Variants in LMX1A observed in about 807,000 individuals in gnomAD.
LMX1A encodes the protein LIM homeobox transcription factor 1-alpha.
In LMX1A, 15 loss-of-function variants were observed where a neutral mutation model predicts 49.1. That is an observed-to-expected ratio of 0.31 (90% CI 0.20 to 0.47). LMX1A has a LOEUF of 0.47. Among genes scored for constraint, LMX1A ranks in the 20% least tolerant of loss-of-function variants. The pLI is 1.00. For missense variants in LMX1A, 372 were observed against 475.8 expected, an observed-to-expected ratio of 0.78 and a Z score of 2.03; for synonymous variants, 167 against 185.7, an observed-to-expected ratio of 0.90 and a Z score of 0.82.
chr1:165,266,943 CTTTCTCTCTCTT>C (rs1333778673), intron 3 of LMX1A, among the ~76,000 whole-genome samples: 8 of 151,972 alleles, frequency 5.3e-5, no homozygotes, highest in Non-Finnish European at 1.0e-4. Context: ...CTCTCTCTTT[CTTTCTCTCTCTT>C]TTTCTCTCTC....
chr1:165,267,942 A>G (rs2101692534), intron 3 of LMX1A, among the ~76,000 whole-genome samples: 1 of 152,316 alleles, frequency 6.6e-6, no homozygotes, highest in Admixed American at 6.5e-5. Context: ...ATTGAGTGAC[A>G]GACAGAGGGG....
At chr1:165,352,867 C>G (rs1158181264) in intron 3 of LMX1A, among the ~76,000 whole-genome samples, 1 of 152,264 alleles carries the variant, frequency 6.6e-6, no homozygotes, top group Admixed American at 6.5e-5. Flanking sequence ...TTCTGCGGGA[C>G]TCGGGCCACT....
chr1:165,208,009 G>A, intron 7 of LMX1A, 54 bp downstream of exon 7: 2 of 1,530,852 alleles, frequency 1.3e-6, no homozygotes, highest in Non-Finnish European at 1.8e-6. Flanking sequence ...GAGGCCTCTG[G>A]TAGGAACAGC....
intron 3 of LMX1A, among the ~76,000 whole-genome samples, chr1:165,304,366 G>T (rs1654866497): frequency 6.6e-6 from 1 of 152,138 alleles, no homozygotes. Context: ...CATGAGAGTT[G>T]GTTCAGGCTT....
chr1:165,321,432 A>G (rs1655381237), intron 3 of LMX1A, among the ~76,000 whole-genome samples: 1 of 152,196 alleles, frequency 6.6e-6, no homozygotes. Flanking sequence ...TAAAACTACT[A>G]CTAAAAAAAT....
intron 3 of LMX1A, among the ~76,000 whole-genome samples, chr1:165,250,176 G>A (rs1279937474): frequency 6.6e-6 from 1 of 152,018 alleles, no homozygotes; most frequent in African/African-American, 2.4e-5. Flanking sequence ...AAACCATCAT[G>A]GCACACGTTT....
At chr1:165,319,835 C>T (rs952267837) in intron 3 of LMX1A, among the ~76,000 whole-genome samples, 7 of 152,138 alleles carry the variant, frequency 4.6e-5, no homozygotes, top group South Asian at 4.2e-4. Context: ...AGATTATTTT[C>T]ATTTCTTTAT....
chr1:165,335,175 T>C (rs940138871), intron 3 of LMX1A, among the ~76,000 whole-genome samples: 8 of 152,182 alleles, frequency 5.3e-5, no homozygotes, highest in African/African-American at 1.9e-4. Context: ...TTCCTCTCTT[T>C]TAAGCTTTCA....
chr1:165,252,164 A>T (rs1653083870), intron 3 of LMX1A, among the ~76,000 whole-genome samples: 1 of 152,232 alleles, frequency 6.6e-6, no homozygotes, highest in African/African-American at 2.4e-5. Flanking sequence ...AACAAGGCCT[A>T]TGGAATATTT....
intron 3 of LMX1A, among the ~76,000 whole-genome samples, chr1:165,253,772 A>G (rs1391742987): frequency 1.3e-5 from 2 of 152,180 alleles, no homozygotes; most frequent in Middle Eastern, 3.2e-3. Flanking sequence ...AAGGGGTTGG[A>G]ATGGCTCGTT....
intron 3 of LMX1A, among the ~76,000 whole-genome samples, chr1:165,282,299 G>A (rs1654176214): frequency 6.6e-6 from 1 of 152,090 alleles, no homozygotes; most frequent in Non-Finnish European, 1.5e-5. Context: ...ATTCTCAAGG[G>A]ATTGGCTCCA....
At position 165,266,793 on chromosome 1, in the gene LMX1A, G is replaced by A. The variant is rs187356021; in HGVS notation, c.264-17153C>T. Among the ~76,000 whole-genome samples the A allele has an allele frequency of 8.7e-4, 132 of 151,948 alleles. 1 individual carries two copies. Among genetic ancestry groups the A allele is most frequent in the African/African-American group, 3.1e-3 (130 of 41,456 alleles). On this transcript the variant is annotated intron_variant, in intron 3 of 8. Coordinates refer to ENST00000342310, the MANE Select transcript of LMX1A (RefSeq NM_177398.4). ...ATTTTTTGTATTTTTAATAGAGGCA[G>A]GGTTTCACCGCGTTAGCCAGGGTGG...
rs540042358 is a variant in LMX1A, at chr1:165,210,006, T to C, written c.747+693A>G. 2.6e-5 allele frequency among the ~76,000 whole-genome samples: 4 copies of C among 152,342 alleles called. No individual in the cohort carries two copies. In the South Asian group the frequency reaches 8.3e-4, roughly 32 times the overall value. ...ACTGCACAATTGATTGCTTGCTTGG[T>C]GTATGGAGAATATCTCCACATATTT... is the stretch of plus-strand genomic sequence containing the variant. On this transcript the variant is annotated intron_variant, in intron 6 of 8. Transcript: ENST00000342310.
In LMX1A at chr1:165,205,954, G is replaced by T. The variant is rs377473482; in HGVS notation, c.898C>A (p.Leu300Met). 2.0e-5 allele frequency: 33 copies of T among 1,613,836 alleles called. No homozygotes were observed. In the African/African-American group the frequency reaches 3.6e-4, roughly 18 times the overall value. ...YTALPTPQQLLAIEQSVYSSD... is the reference protein window; with the variant it reads ...YTALPTPQQLMAIEQSVYSSD... Reference sequence around the variant, plus strand: ...CTGTAGACACTCTGCTCGATGGCCAGGAGCTGCTGTGGGGTGGGCAGAGCC... The same window carrying T: ...CTGTAGACACTCTGCTCGATGGCCATGAGCTGCTGTGGGGTGGGCAGAGCC... The change falls in exon 8 of 9, where the codon CTG becomes ATG. Residue 300 changes from leucine (L) to methionine (M), a missense_variant. Around this residue, in one of 3 missense-constraint regions of LMX1A, gnomAD observed 127 missense variants for 138.0 expected, o/e 0.92. Coordinates refer to ENST00000342310, the MANE Select transcript of LMX1A (RefSeq NM_177398.4).
intron 4 of LMX1A, among the ~76,000 whole-genome samples, chr1:165,245,639 A>C (rs1197248371): frequency 6.6e-6 from 1 of 152,144 alleles, no homozygotes; most frequent in African/African-American, 2.4e-5. Context: ...GGCAAAAAAA[A>C]AAAAAATACT....
At chr1:165,287,485 A>G (rs929491720) in intron 3 of LMX1A, among the ~76,000 whole-genome samples, 2 of 152,138 alleles carry the variant, frequency 1.3e-5, no homozygotes, top group East Asian at 1.9e-4. Flanking sequence ...GGTGAGTTAC[A>G]ACTGTGAATT....
chr1:165,267,762 G>A (rs1302130193), intron 3 of LMX1A, among the ~76,000 whole-genome samples: 1 of 152,154 alleles, frequency 6.6e-6, no homozygotes, highest in South Asian at 2.1e-4. Flanking sequence ...ACCCACCGAA[G>A]GTTACTGACA....
intron 3 of LMX1A, among the ~76,000 whole-genome samples, chr1:165,269,620 A>G (rs1307911282): frequency 6.6e-6 from 1 of 152,240 alleles, no homozygotes; most frequent in African/African-American, 2.4e-5. Flanking sequence ...AACTATTCAC[A>G]ATAGCAAAGA....
At chr1:165,220,460 G>A (rs1345866189) in intron 4 of LMX1A, among the ~76,000 whole-genome samples, 2 of 152,102 alleles carry the variant, frequency 1.3e-5, no homozygotes, top group Admixed American at 1.3e-4. Context: ...GGCCTTTTGG[G>A]GCCACAGGCA....
Sources: gnomAD v4.1 joint callset for allele counts (sites outside exome capture counted in the v4.1 genomes callset) on GRCh38, gnomAD v4.1.1 for gene constraint, gnomAD v4.1.1 regional missense constraint, MANE v1.5 for transcripts, NCBI Gene and HGNC (gene_info 2026-07-23, HGNC 2026-07-21) for gene names.